PCP4: variants seen among roughly 807,000 people sequenced by gnomAD.
PCP4 encodes Purkinje cell protein 4.
In PCP4, 8 loss-of-function variants were observed where a neutral mutation model predicts 10.0. The ratio of observed to expected loss-of-function variants is 0.80; its 90% CI spans 0.47 to 1.45. The LOEUF (loss-of-function observed/expected upper bound fraction) is 1.45. PCP4 is among the 40% of genes most tolerant of loss of function. The pLI is 0.00. For missense variants in PCP4, 54 were observed against 74.4 expected (o/e 0.73, Z 1.01); for synonymous variants, 21 against 23.0 (o/e 0.91, Z 0.24).
chr21:39,888,471 A>T (rs1265537605), intron 1 of PCP4, among the ~76,000 whole-genome samples: 1 of 152,210 alleles, frequency 6.6e-6, no homozygotes, highest in Non-Finnish European at 1.5e-5. Flanking sequence ...AGATGTGGCC[A>T]GTAGGAGGCA....
At chr21:39,873,275 T>G (rs2087329339) in intron 1 of PCP4, among the ~76,000 whole-genome samples, 1 of 152,120 alleles carries the variant, frequency 6.6e-6, no homozygotes, top group Non-Finnish European at 1.5e-5. Flanking sequence ...GTGCCCAATC[T>G]CCATCAGCCC....
intron 2 of PCP4, among the ~76,000 whole-genome samples, chr21:39,900,548 G>T (rs758566872): frequency 9.9e-5 from 15 of 152,050 alleles, no homozygotes; most frequent in Non-Finnish European, 2.2e-4. Context: ...GTGGCGGTGG[G>T]CTGGATAAAA....
At chr21:39,879,536 C>T (rs896893682) in intron 1 of PCP4, among the ~76,000 whole-genome samples, 7 of 152,128 alleles carry the variant, frequency 4.6e-5, no homozygotes, top group East Asian at 3.9e-4. Context: ...ATGAGGATTT[C>T]GAATTTCACA....
chr21:39,917,975 G>A (rs1279052123), intron 2 of PCP4, among the ~76,000 whole-genome samples: 1 of 152,118 alleles, frequency 6.6e-6, no homozygotes, highest in Non-Finnish European at 1.5e-5. Context: ...GGATCCTCAT[G>A]TGAGGACACA....
At chr21:39,891,322 A>G (rs1445253633) in intron 1 of PCP4, among the ~76,000 whole-genome samples, 4 of 152,144 alleles carry the variant, frequency 2.6e-5, no homozygotes, top group Non-Finnish European at 4.4e-5. Context: ...ACAGCATGTC[A>G]TCTCCTGCCC....
intron 2 of PCP4, among the ~76,000 whole-genome samples, chr21:39,908,545 A>G (rs2299772): frequency 0.094 from 14,322 of 152,128 alleles, 1,048 homozygotes; most frequent in East Asian, 0.36. Flanking sequence ...GGAGGAGAGT[A>G]GCTTCCAGCC....
chr21:39,902,472 A>G (rs557592365), intron 2 of PCP4, among the ~76,000 whole-genome samples: 8 of 152,316 alleles, frequency 5.3e-5, no homozygotes, highest in African/African-American at 7.2e-5. Flanking sequence ...TACATTGAAT[A>G]TTATCTTGAG....
At chr21:39,912,271 A>T (rs1338324142) in intron 2 of PCP4, among the ~76,000 whole-genome samples, 1 of 151,338 alleles carries the variant, frequency 6.6e-6, no homozygotes, top group Non-Finnish European at 1.5e-5. Flanking sequence ...GATAATTAGA[A>T]TGTGTCAAGG....
At chr21:39,914,601 A>C (rs1426943629) in intron 2 of PCP4, among the ~76,000 whole-genome samples, 1 of 151,746 alleles carries the variant, frequency 6.6e-6, no homozygotes, top group Non-Finnish European at 1.5e-5. Flanking sequence ...AAAAAAAAGA[A>C]GAAAGTAAAA....
chr21:39,918,883 G>A (rs933595998), intron 2 of PCP4, among the ~76,000 whole-genome samples: 2 of 152,200 alleles, frequency 1.3e-5, no homozygotes, highest in Non-Finnish European at 2.9e-5. Context: ...CTCTCTGCAT[G>A]CTTTGTTCCC....
chr21:39,874,105 A>T (rs1042203935), intron 1 of PCP4, among the ~76,000 whole-genome samples: 1 of 152,220 alleles, frequency 6.6e-6, no homozygotes, highest in African/African-American at 2.4e-5. Context: ...AATCATCCAC[A>T]AATTGAACAT....
At chr21:39,868,919 A>G (rs575402106) in intron 1 of PCP4, among the ~76,000 whole-genome samples, 16 of 152,222 alleles carry the variant, frequency 1.1e-4, no homozygotes, top group South Asian at 2.1e-4. Flanking sequence ...AGAAAGAAAG[A>G]AAGGAGCTGG....
At chr21:39,883,844 CTCT>C (rs2087387520) in intron 1 of PCP4, among the ~76,000 whole-genome samples, 1 of 152,162 alleles carries the variant, frequency 6.6e-6, no homozygotes, top group Non-Finnish European at 1.5e-5. Flanking sequence ...GGAGAAACAT[CTCT>C]TCTTAAGCCT....
At chr21:39,921,517 A>G (rs1275711518) in intron 2 of PCP4, among the ~76,000 whole-genome samples, 1 of 152,210 alleles carries the variant, frequency 6.6e-6, no homozygotes, top group Non-Finnish European at 1.5e-5. Flanking sequence ...CTATGATGCA[A>G]AGCAACTTTA....
chr21:39,888,365 A>G (rs887927709), intron 1 of PCP4, among the ~76,000 whole-genome samples: 1 of 152,202 alleles, frequency 6.6e-6, no homozygotes, highest in Non-Finnish European at 1.5e-5. Flanking sequence ...CTTTTCATAA[A>G]CCACCCATTT....
At chr21:39,907,516 A>G (rs976594537) in intron 2 of PCP4, among the ~76,000 whole-genome samples, 1 of 152,186 alleles carries the variant, frequency 6.6e-6, no homozygotes, top group Admixed American at 6.5e-5. Context: ...TGCTAGAATT[A>G]AGAAATAAAG....
intron 1 of PCP4, among the ~76,000 whole-genome samples, chr21:39,877,980 CTTT>C (rs2087354328): frequency 6.6e-6 from 1 of 151,432 alleles, no homozygotes; most frequent in Admixed American, 6.6e-5. Context: ...AGTCACATTT[CTTT>C]TTTTCTTCTA....
chr21:39,875,898 G>C (rs2087343404), intron 1 of PCP4, among the ~76,000 whole-genome samples: 2 of 152,002 alleles, frequency 1.3e-5, no homozygotes. Context: ...TAGACTTTTT[G>C]GTAACTGTAC....
chr21:39,894,137 G>T lies in PCP4; in HGVS notation c.10-4339G>T, dbSNP rs147090139. Among the ~76,000 whole-genome samples, 501 of 152,294 alleles carry T rather than the reference G, an allele frequency of 3.3e-3. 1 individual carries two copies. Among genetic ancestry groups the T allele is most frequent in the African/African-American group, 0.011 (461 of 41,556 alleles). On this transcript the variant is annotated intron_variant, in intron 1 of 2. Transcript: ENST00000328619. Reference sequence around the variant, plus strand: ...AATGAGAACATCTGAGCTGAGTATTGTGATATAGACTGCAAGACTCATGGT... The same window carrying T: ...AATGAGAACATCTGAGCTGAGTATTTTGATATAGACTGCAAGACTCATGGT...
Sources: gnomAD v4.1 joint callset for allele counts (sites outside exome capture counted in the v4.1 genomes callset) on GRCh38, gnomAD v4.1.1 for gene constraint, MANE v1.5 for transcripts, NCBI Gene and HGNC (gene_info 2026-07-23, HGNC 2026-07-21) for gene names.